The following FAM227B variants were observed in gnomAD, a reference collection of about 807,000 sequenced individuals.
FAM227B encodes the protein family with sequence similarity 227 member B.
Under a neutral mutation model 73.8 loss-of-function variants are expected in FAM227B, and 88 were observed. The ratio of observed to expected loss-of-function variants is 1.19; its 90% confidence interval spans 1.00 to 1.42. FAM227B has a LOEUF of 1.42. Ranked by LOEUF, FAM227B falls within the 40% of genes most tolerant of loss-of-function variation. The pLI is 0.00. For synonymous variants in FAM227B, 210 were observed against 190.5 expected, an observed-to-expected ratio of 1.10 and a Z score of -0.84; for missense variants, 632 against 590.9, an observed-to-expected ratio of 1.07 and a Z score of -0.72.
chr15:49,585,974 A>T (rs1209988114), intron 5 of FAM227B, among the ~76,000 whole-genome samples: 1 of 152,216 alleles, frequency 6.6e-6, no homozygotes, highest in Non-Finnish European at 1.5e-5. Context: ...TGTAGATTCA[A>T]TGCTATTCCT....
At chr15:49,504,433 A>AG (rs57784326) in intron 11 of FAM227B, among the ~76,000 whole-genome samples, 49,226 of 151,624 alleles carry the variant, frequency 0.32, 8,721 homozygotes, top group African/African-American at 0.45. Context: ...AATAAAAAAA[A>AG]AGAAAAGATC....
At chr15:49,442,525 C>G (rs771328062) in intron 11 of FAM227B, among the ~76,000 whole-genome samples, 2 of 151,674 alleles carry the variant, frequency 1.3e-5, no homozygotes, top group Non-Finnish European at 3.0e-5. Context: ...ATAGGTCTTT[C>G]CATCTATTAT....
Position 49,615,103 on chromosome 15 carries a change from C to T in FAM227B, c.51+18G>A, listed in dbSNP as rs1407245549. On this transcript the variant is annotated intron_variant, in intron 2 of 15. Transcript: ENST00000299338. Reference sequence around the variant, plus strand: ...ATAACCTTTGTAAGTGAACATAAAGCTGTGGAAGCTTCCTTACCCCGGGGC... The same window carrying T: ...ATAACCTTTGTAAGTGAACATAAAGTTGTGGAAGCTTCCTTACCCCGGGGC... 2 of 1,609,758 alleles carry T rather than the reference C, an allele frequency of 1.2e-6. No individual in the cohort carries two copies. Among genetic ancestry groups the T allele is most frequent in the African/African-American group, 1.3e-5 (1 of 74,848 alleles).
chr15:49,536,631 T>C (rs1008253144), intron 10 of FAM227B, among the ~76,000 whole-genome samples: 2 of 151,950 alleles, frequency 1.3e-5, no homozygotes, highest in African/African-American at 4.8e-5. Context: ...AAAAACGTTG[T>C]AGGCATTAAA....
chr15:49,439,273 G>T (rs1402419805), intron 11 of FAM227B, among the ~76,000 whole-genome samples: 2 of 151,044 alleles, frequency 1.3e-5, no homozygotes, highest in African/African-American at 4.9e-5. Context: ...CAATGAGAGG[G>T]GTAGGAGAGA....
At chr15:49,489,870 A>ATATATTT (rs2056883825) in intron 11 of FAM227B, among the ~76,000 whole-genome samples, 1 of 15,572 alleles carries the variant, frequency 6.4e-5, no homozygotes, top group Non-Finnish European at 1.5e-4. Context: ...TTATATATAT[A>ATATATTT]TATATATATA....
intron 11 of FAM227B, among the ~76,000 whole-genome samples, chr15:49,461,648 G>T (rs1176118184): frequency 1.3e-5 from 2 of 152,194 alleles, no homozygotes; most frequent in African/African-American, 4.8e-5. Flanking sequence ...TTCAGATAGT[G>T]CAGGTACAAT....
At chr15:49,587,427 G>T (rs1029452304) in intron 5 of FAM227B, among the ~76,000 whole-genome samples, 1 of 151,912 alleles carries the variant, frequency 6.6e-6, no homozygotes, top group African/African-American at 2.4e-5. Flanking sequence ...CAGCAAACCC[G>T]CATGTCACAA....
chr15:49,368,583 A>G (rs2045543807), intron 12 of FAM227B, among the ~76,000 whole-genome samples: 1 of 152,210 alleles, frequency 6.6e-6, no homozygotes, highest in South Asian at 2.1e-4. Flanking sequence ...CATGTTTTCT[A>G]TGATGTAAAT....
intron 10 of FAM227B, among the ~76,000 whole-genome samples, chr15:49,525,834 G>A (rs1418337133): frequency 6.7e-6 from 1 of 150,130 alleles, no homozygotes; most frequent in Admixed American, 6.6e-5. Flanking sequence ...ATATTGAAGG[G>A]TTCAATTCAA....
At chr15:49,538,797 G>GT (rs1427364733) in intron 10 of FAM227B, among the ~76,000 whole-genome samples, 1 of 151,798 alleles carries the variant, frequency 6.6e-6, no homozygotes, top group African/African-American at 2.4e-5. Flanking sequence ...CAGAGTTCTG[G>GT]TTTTTTAAAT....
At chr15:49,535,450 A>G in intron 10 of FAM227B, among the ~76,000 whole-genome samples, 1 of 151,838 alleles carries the variant, frequency 6.6e-6, no homozygotes, top group East Asian at 1.9e-4. Context: ...AACAATGAAG[A>G]GCCCAACACC....
At chr15:49,337,446 T>C (rs1284701129) in intron 13 of FAM227B, among the ~76,000 whole-genome samples, 5 of 148,618 alleles carry the variant, frequency 3.4e-5, no homozygotes, top group African/African-American at 1.2e-4. Flanking sequence ...TGACGAGTGA[T>C]GCTAAGCATT....
chr15:49,566,088 T>C (rs772064783), intron 9 of FAM227B, among the ~76,000 whole-genome samples: 10 of 152,200 alleles, frequency 6.6e-5, no homozygotes, highest in East Asian at 1.9e-4. Flanking sequence ...CCACTAAATA[T>C]ATAATTTTTA....
At chr15:49,581,994 G>A (rs1334685610) in intron 5 of FAM227B, among the ~76,000 whole-genome samples, 2 of 152,146 alleles carry the variant, frequency 1.3e-5, no homozygotes, top group African/African-American at 4.8e-5. Flanking sequence ...TTGGTCTGCT[G>A]GCCTCTCCCA....
chr15:49,585,729 T>C (rs1462617440), intron 5 of FAM227B, among the ~76,000 whole-genome samples: 1 of 152,060 alleles, frequency 6.6e-6, no homozygotes, highest in African/African-American at 2.4e-5. Context: ...CAGTAGGAGA[T>C]ATACCTAATG....
At chr15:49,400,631 T>C (rs965886999) in intron 11 of FAM227B, among the ~76,000 whole-genome samples, 2 of 113,066 alleles carry the variant, frequency 1.8e-5, no homozygotes, top group African/African-American at 3.7e-5. Context: ...CAAAACAGCA[T>C]GGTACTGGTA....
chr15:49,459,454 C>CT (rs930993767), intron 11 of FAM227B, among the ~76,000 whole-genome samples: 31 of 151,566 alleles, frequency 2.0e-4, no homozygotes, highest in Non-Finnish European at 2.7e-4. Flanking sequence ...TCTTTCTTTT[C>CT]TTTTTTTTGA....
intron 11 of FAM227B, among the ~76,000 whole-genome samples, chr15:49,498,595 A>G (rs2057834848): frequency 6.6e-6 from 1 of 152,248 alleles, no homozygotes; most frequent in Non-Finnish European, 1.5e-5. Flanking sequence ...TTAGCGTCAG[A>G]TATAAAAAGC....
Sources: allele counts gnomAD v4.1 joint callset (sites outside exome capture counted in the v4.1 genomes callset), GRCh38; gene constraint gnomAD v4.1.1; transcripts MANE v1.5; gene names NCBI Gene and HGNC (gene_info 2026-07-23, HGNC 2026-07-21).